FBXW11: variants seen among roughly 807,000 people sequenced by gnomAD.
The protein encoded by FBXW11 is F-box/WD repeat-containing protein 11.
Under a neutral mutation model 77.6 loss-of-function variants are expected in FBXW11, and 19 were observed. The observed-to-expected ratio is 0.24, with a 90% CI of 0.17 to 0.36. The LOEUF (loss-of-function observed/expected upper bound fraction) is 0.36, where lower values mean the gene tolerates loss of function less well. Ranked by LOEUF, FBXW11 falls within the 10% of genes least tolerant of loss-of-function variation. The pLI, the probability that FBXW11 is intolerant of heterozygous loss-of-function variation, is 1.00. For synonymous variants in FBXW11, 235 were observed against 249.4 expected (o/e 0.94, Z 0.54); for missense variants, 334 against 704.2 (o/e 0.47, Z 5.95).
intron 2 of FBXW11, among the ~76,000 whole-genome samples, chr5:171,916,026 A>G (rs1447453443): frequency 6.8e-6 from 1 of 148,016 alleles, no homozygotes; most frequent in Non-Finnish European, 1.5e-5. Context: ...ACTCATAGGT[A>G]GGAATTGAAC....
chr5:172,005,652 T>C (rs1766701163), intron 1 of FBXW11, among the ~76,000 whole-genome samples: 2 of 148,270 alleles, frequency 1.3e-5, no homozygotes, highest in African/African-American at 2.5e-5. Flanking sequence ...GATTCCCCTC[T>C]TTTTTTTTTC....
Position 171,924,864 on chromosome 5 carries a change from G to A in FBXW11, c.148-10459C>T, listed in dbSNP as rs543101781. On this transcript the variant is annotated intron_variant, in intron 2 of 13. Coordinates refer to ENST00000517395, the MANE Select transcript of FBXW11 (RefSeq NM_001378974.1). Reference sequence around the variant, plus strand: ...TCGCCACTCCCAGAGCCAGAGTTGCGACATGCTGTAACACCCTCTTTGGGG... The same window carrying A: ...TCGCCACTCCCAGAGCCAGAGTTGCAACATGCTGTAACACCCTCTTTGGGG... Among the ~76,000 whole-genome samples the A allele has an allele frequency of 1.4e-4, 21 of 148,882 alleles. No homozygotes were observed. The East Asian group carries it at 3.1e-3, about 22-fold the overall frequency.
intron 2 of FBXW11, among the ~76,000 whole-genome samples, chr5:171,952,777 G>A (rs1360526435): frequency 6.6e-6 from 1 of 151,718 alleles, no homozygotes; most frequent in East Asian, 2.0e-4. Context: ...GAGCAAACCC[G>A]TGGCCTGCAG....
chr5:171,957,518 T>A, intron 2 of FBXW11, 79 bp downstream of exon 2: 1 of 1,254,632 alleles, frequency 8.0e-7, no homozygotes, highest in South Asian at 1.2e-5. Flanking sequence ...AACATTGGAT[T>A]AAACACACTA....
At chr5:171,937,270 T>C (rs1385583844) in intron 2 of FBXW11, among the ~76,000 whole-genome samples, 2 of 151,874 alleles carry the variant, frequency 1.3e-5, no homozygotes. Context: ...AAAAGAAAAG[T>C]GGGGAATCAG....
intron 3 of FBXW11, among the ~76,000 whole-genome samples, chr5:171,913,038 C>T (rs114151089): frequency 1.3e-3 from 194 of 151,978 alleles, no homozygotes; most frequent in Middle Eastern, 3.4e-3. Context: ...GGGAACACAC[C>T]ATGACAGAGT....
intron 2 of FBXW11, among the ~76,000 whole-genome samples, chr5:171,950,388 CTT>C (rs1191935905): frequency 6.6e-6 from 1 of 151,370 alleles, no homozygotes; most frequent in African/African-American, 2.4e-5. Context: ...TCTATATACA[CTT>C]TATACTTCAA....
chr5:171,960,162 G>A (rs539350446), intron 1 of FBXW11, among the ~76,000 whole-genome samples: 1 of 152,318 alleles, frequency 6.6e-6, no homozygotes, highest in Admixed American at 6.5e-5. Flanking sequence ...GATTACTTAA[G>A]CCCAGGAGTT....
chr5:171,908,660 G>GCTAA (rs1462119002), intron 4 of FBXW11: 3 of 152,218 alleles, frequency 2.0e-5, no homozygotes, highest in Non-Finnish European at 4.4e-5. Flanking sequence ...ATTTTTCTAA[G>GCTAA]CTAACTCTCA....
chr5:171,998,387 C>T (rs1357838215), intron 1 of FBXW11, among the ~76,000 whole-genome samples: 3 of 141,058 alleles, frequency 2.1e-5, no homozygotes, highest in Non-Finnish European at 3.0e-5. Flanking sequence ...GTTGCCCAGG[C>T]TGGCCTCGAA....
In FBXW11 at chr5:171,929,298, A is replaced by G. The variant is rs1396775666; in HGVS notation, c.148-14893T>C. Among the ~76,000 whole-genome samples, 3 of 152,122 alleles carry G rather than the reference A, an allele frequency of 2.0e-5. No individual in the cohort carries two copies. The East Asian group carries it at 5.8e-4, about 29-fold the overall frequency. On this transcript the variant is annotated intron_variant, in intron 2 of 13. Transcript: ENST00000517395. Reference sequence around the variant, plus strand: ...GGCACAAGAATCACTTGAACCCTCAAGGAGGAGGTTACAGTGAGCCAAGAT... The same window carrying G: ...GGCACAAGAATCACTTGAACCCTCAGGGAGGAGGTTACAGTGAGCCAAGAT...
rs578173144 is a variant in FBXW11 at position 171,931,980 on chromosome 5, T to C, written c.148-17575A>G. Reference sequence around the variant, plus strand: ...GCCTCAACCTCCCAGGCTCAAGTGATCCTCCCACCTCAGCCTCCAGAGTAG... The same window carrying C: ...GCCTCAACCTCCCAGGCTCAAGTGACCCTCCCACCTCAGCCTCCAGAGTAG... On this transcript the variant is annotated intron_variant, in intron 2 of 13. Coordinates refer to ENST00000517395, the MANE Select transcript of FBXW11 (RefSeq NM_001378974.1). 2.0e-5 allele frequency among the ~76,000 whole-genome samples: 3 copies of C among 151,194 alleles called. No individual in the cohort carries two copies. The South Asian group carries it at 6.3e-4, about 32-fold the overall frequency.
rs540936280 is a variant in FBXW11, at chr5:171,861,709, A to C, written c.*2418T>G. ...CAAAAGTCAAACTTTTTTGTTTTTTATTAAGCACATTCCACAGTACAAAGC... is the reference window on the plus strand; with the variant it reads ...CAAAAGTCAAACTTTTTTGTTTTTTCTTAAGCACATTCCACAGTACAAAGC... On this transcript the variant is annotated 3_prime_UTR_variant, in exon 14 of 14. Transcript: ENST00000517395. 6.5e-6 allele frequency: 1 copy of C among 152,760 alleles called. No individual in the cohort carries two copies. 9.5% of individuals were successfully genotyped at this position (152,760 alleles called of 1,614,324 possible).
intron 13 of FBXW11, chr5:171,868,215 T>C (rs1365279569): frequency 6.6e-6 from 1 of 150,592 alleles, no homozygotes; most frequent in Non-Finnish European, 1.5e-5. Flanking sequence ...GAATGTTTTG[T>C]CAGATGGTGA....
intron 13 of FBXW11, among the ~76,000 whole-genome samples, chr5:171,865,424 T>C (rs1212504179): frequency 6.6e-6 from 1 of 152,154 alleles, no homozygotes; most frequent in Non-Finnish European, 1.5e-5. Context: ...TTATAATCAC[T>C]AAAAACTGGG....
intron 7 of FBXW11, among the ~76,000 whole-genome samples, chr5:171,878,559 TGA>T (rs1491488073): frequency 0.45 from 41,826 of 93,892 alleles, 7,330 homozygotes; most frequent in South Asian, 0.56. Flanking sequence ...TAAGAGTGTG[TGA>T]GTGTGTGTGT....
In FBXW11 at chr5:171,876,240, A is replaced by G. The variant is rs757005743; in HGVS notation, c.1221+45T>C. 1.4e-5 allele frequency: 23 copies of G among 1,606,780 alleles called. No homozygotes were observed. The highest frequency in any genetic ancestry group is 2.2e-5 in the South Asian group (2 of 90,122). ...GCCACCTCTGCTTTGTCTCTGTTCTAAAAGGGACAGGAACAGGTAGGGTTA... is the reference window on the plus strand; with the variant it reads ...GCCACCTCTGCTTTGTCTCTGTTCTGAAAGGGACAGGAACAGGTAGGGTTA... On this transcript the variant is annotated intron_variant, in intron 9 of 13. Coordinates refer to ENST00000517395, the MANE Select transcript of FBXW11 (RefSeq NM_001378974.1). This position sits in a 1 kb window ranked among gnomAD's most constrained non-coding sequence, Gnocchi z 4.2.
At chr5:171,958,494 AG>A (rs1249724820) in intron 1 of FBXW11, among the ~76,000 whole-genome samples, 1 of 152,216 alleles carries the variant, frequency 6.6e-6, no homozygotes, top group African/African-American at 2.4e-5. Flanking sequence ...ACCTTCCCAA[AG>A]GAAAAACATT....
chr5:171,950,903 AAAT>A (rs1763277421), intron 2 of FBXW11, among the ~76,000 whole-genome samples: 1 of 152,056 alleles, frequency 6.6e-6, no homozygotes, highest in Non-Finnish European at 1.5e-5. Context: ...ATACATAAAT[AAAT>A]AATTTTTTTT....
Sources: allele counts gnomAD v4.1 joint callset (sites outside exome capture counted in the v4.1 genomes callset), GRCh38; gene constraint gnomAD v4.1.1; non-coding constraint Gnocchi (gnomAD v3.1); transcripts MANE v1.5; gene names NCBI Gene and HGNC (gene_info 2026-07-23, HGNC 2026-07-21).